NUDCD3: variants seen among roughly 807,000 people sequenced by gnomAD.
NUDCD3 encodes NudC domain containing 3.
Under a neutral mutation model 39.7 loss-of-function variants are expected in NUDCD3, and 13 were observed. That is an observed-to-expected ratio of 0.33 (90% CI 0.21 to 0.52). NUDCD3 has a LOEUF of 0.52. NUDCD3 is among the 20% of genes least tolerant of loss of function. The probability of loss-of-function intolerance (pLI) is 0.96; values close to 1 mark genes in which losing one functional copy is unlikely to be tolerated. For missense variants in NUDCD3, 453 were observed against 458.1 expected, an observed-to-expected ratio of 0.99 and a Z score of 0.10; for synonymous variants, 175 against 172.4, an observed-to-expected ratio of 1.02 and a Z score of -0.12.
chr7:44,398,707 G>T (rs1208158374), intron 4 of NUDCD3, among the ~76,000 whole-genome samples: 1 of 152,158 alleles, frequency 6.6e-6, no homozygotes, highest in Non-Finnish European at 1.5e-5. Flanking sequence ...CAGCGAGGAC[G>T]ACTTTACTCC....
At chr7:44,422,062 C>T (rs1047533768) in intron 3 of NUDCD3, among the ~76,000 whole-genome samples, 1 of 152,116 alleles carries the variant, frequency 6.6e-6, no homozygotes, top group African/African-American at 2.4e-5. Flanking sequence ...GAAATTAAGG[C>T]AGAAATAACG....
At chr7:44,398,464 C>T (rs1471690094) in intron 4 of NUDCD3, among the ~76,000 whole-genome samples, 1 of 152,150 alleles carries the variant, frequency 6.6e-6, no homozygotes, top group Non-Finnish European at 1.5e-5. Flanking sequence ...TAACAAAATG[C>T]TCCAGGTTCC....
Position 44,488,300 on chromosome 7 carries a change from A to C in NUDCD3, c.192+2109T>G, listed in dbSNP as rs532198833. The stretch of plus-strand genomic sequence containing the variant: ...CAGTGAGCTGAGATCATGCCACTGC[A>C]CTCCAGCCTGGGCGACAGAGTGAGA... On this transcript the variant is annotated intron_variant, in intron 1 of 5. Transcript: ENST00000355451. Among the ~76,000 whole-genome samples, 9 of 148,342 alleles carry C rather than the reference A, an allele frequency of 6.1e-5. No individual in the cohort carries two copies. The South Asian group carries it at 1.9e-3, about 32-fold the overall frequency.
chr7:44,458,814 G>A, intron 2 of NUDCD3, among the ~76,000 whole-genome samples: 1 of 152,172 alleles, frequency 6.6e-6, no homozygotes, highest in Non-Finnish European at 1.5e-5. Context: ...CTGGTATGGT[G>A]TGCCATGTGC....
chr7:44,442,174 A>G (rs1196884950), intron 2 of NUDCD3, among the ~76,000 whole-genome samples: 1 of 152,234 alleles, frequency 6.6e-6, no homozygotes, highest in Non-Finnish European at 1.5e-5. Flanking sequence ...TTACTGATGT[A>G]GATTATTAAT....
Position 44,386,126 on chromosome 7 carries a change from A to G in NUDCD3, c.976-5T>C. 6.2e-7 allele frequency: 1 copy of G among 1,614,094 alleles called. No individual in the cohort carries two copies. On this transcript the variant is annotated splice_region_variant and splice_polypyrimidine_tract_variant and intron_variant, in intron 5 of 5. Coordinates refer to ENST00000355451, the MANE Select transcript of NUDCD3 (RefSeq NM_015332.4). ...CTTCAGCATCTCATGGACTTTCTAC[A>G]AACAGAAAATAGAGAGATTAAAGGG...
chr7:44,420,639 A>G (rs1479633671), intron 3 of NUDCD3, among the ~76,000 whole-genome samples: 1 of 152,248 alleles, frequency 6.6e-6, no homozygotes, highest in Non-Finnish European at 1.5e-5. Flanking sequence ...CCACAGACTA[A>G]CAGCAGATCT....
chr7:44,392,211 T>C, intron 5 of NUDCD3, 86 bp downstream of exon 5: 6 of 1,350,666 alleles, frequency 4.4e-6, no homozygotes, highest in Non-Finnish European at 6.2e-6. Context: ...TTCCCCACCG[T>C]CATCACCAAC....
chr7:44,453,447 T>G (rs962880295), intron 2 of NUDCD3, among the ~76,000 whole-genome samples: 1 of 152,204 alleles, frequency 6.6e-6, no homozygotes, highest in East Asian at 1.9e-4. Flanking sequence ...AAGCTCACTA[T>G]TGCTAGAAAC....
chr7:44,482,839 CTATTGTAA>C (rs2116981336), intron 2 of NUDCD3, among the ~76,000 whole-genome samples: 1 of 152,136 alleles, frequency 6.6e-6, no homozygotes, highest in Non-Finnish European at 1.5e-5. Context: ...AGACTTTAAA[CTATTGTAA>C]GTATATTGAA....
intron 3 of NUDCD3, among the ~76,000 whole-genome samples, chr7:44,412,527 T>C (rs1180712360): frequency 6.6e-6 from 1 of 152,240 alleles, no homozygotes; most frequent in Admixed American, 6.5e-5. Flanking sequence ...CAATTCATAC[T>C]ATGTTAGGCT....
intron 3 of NUDCD3, among the ~76,000 whole-genome samples, chr7:44,416,674 T>C (rs1799030583): frequency 6.6e-6 from 1 of 152,080 alleles, no homozygotes; most frequent in African/African-American, 2.4e-5. Context: ...TATTGTCACA[T>C]AGATATACCG....
chr7:44,389,666 G>C (rs911491442), intron 5 of NUDCD3, among the ~76,000 whole-genome samples: 1 of 152,206 alleles, frequency 6.6e-6, no homozygotes, highest in African/African-American at 2.4e-5. Context: ...TGGAATCCTA[G>C]CACCACAAAG....
rs188744313 is a variant in NUDCD3 at position 44,409,328 on chromosome 7, T to G, written c.643-4745A>C. On this transcript the variant is annotated intron_variant, in intron 3 of 5. Coordinates refer to ENST00000355451, the MANE Select transcript of NUDCD3 (RefSeq NM_015332.4). ...CCCCTCGACAAAAACAGGTGTTTAC[T>G]GATCCCAGGAGTTTAAGGAAATCGC... is the stretch of plus-strand genomic sequence containing the variant. Among the ~76,000 whole-genome samples the G allele has an allele frequency of 1.9e-3, 282 of 152,330 alleles. 2 individuals carry two copies. Among genetic ancestry groups the G allele is most frequent in the Admixed American group, 0.017 (255 of 15,304 alleles).
In NUDCD3 at chr7:44,392,446, T is replaced by C. The variant is rs1416217621; in HGVS notation, c.826A>G (p.Ile276Val). Residue 276 changes from isoleucine (I) to valine (V), a missense_variant, in exon 5 of 6, where the codon ATC becomes GTC. Coordinates refer to ENST00000355451, the MANE Select transcript of NUDCD3 (RefSeq NM_015332.4). Reference protein sequence around the residue: ...SKVGEYWWNAILEGEEPIDID... With the variant: ...SKVGEYWWNAVLEGEEPIDID... Reference sequence around the variant, plus strand: ...TCGATGGGCTCTTCTCCCTCCAGGATGGCGTTCCACCAATACTCGCCCACC... The same window carrying C: ...TCGATGGGCTCTTCTCCCTCCAGGACGGCGTTCCACCAATACTCGCCCACC... 2 of 1,614,046 alleles carry C rather than the reference T, an allele frequency of 1.2e-6. No homozygotes were observed. The highest frequency in any genetic ancestry group is 1.7e-6 in the Non-Finnish European group (2 of 1,180,020).
intron 2 of NUDCD3, among the ~76,000 whole-genome samples, chr7:44,449,705 C>T (rs1236343321): frequency 6.6e-6 from 1 of 152,124 alleles, no homozygotes; most frequent in African/African-American, 2.4e-5. Flanking sequence ...TATCTTGCAT[C>T]ATATACTAAA....
intron 2 of NUDCD3, among the ~76,000 whole-genome samples, chr7:44,442,568 G>A (rs1799606838): frequency 6.6e-6 from 1 of 152,188 alleles, no homozygotes; most frequent in South Asian, 2.1e-4. Context: ...ACAAGATGGA[G>A]GCTCACCTCG....
At chr7:44,403,270 C>T (rs1385616890) in intron 4 of NUDCD3, among the ~76,000 whole-genome samples, 1 of 152,154 alleles carries the variant, frequency 6.6e-6, no homozygotes, top group East Asian at 1.9e-4. Context: ...CTGGGATGGG[C>T]CAGTCCAAGC....
At chr7:44,441,799 A>G (rs1283512886) in intron 2 of NUDCD3, among the ~76,000 whole-genome samples, 3 of 152,166 alleles carry the variant, frequency 2.0e-5, no homozygotes, top group Non-Finnish European at 2.9e-5. Flanking sequence ...AGTGGCTCTC[A>G]GAGCCTCTGG....
Sources: allele counts gnomAD v4.1 joint callset (sites outside exome capture counted in the v4.1 genomes callset), GRCh38; gene constraint gnomAD v4.1.1; transcripts MANE v1.5; gene names NCBI Gene and HGNC (gene_info 2026-07-23, HGNC 2026-07-21).